The following CA10 variants were observed in gnomAD, a reference collection of about 807,000 sequenced individuals.
CA10 encodes carbonic anhydrase 10 (inactive).
CA10 carries 14 observed loss-of-function variants against 44.2 expected under a neutral mutation model. That is an observed-to-expected ratio of 0.32 (90% confidence interval 0.21 to 0.50). CA10 has a LOEUF of 0.50. Among genes scored for constraint, CA10 ranks in the 20% least tolerant of loss-of-function variants. The pLI is 0.99. For missense variants in CA10, 350 were observed against 409.7 expected, an observed-to-expected ratio of 0.85 and a Z score of 1.26; for synonymous variants, 159 against 141.6, an observed-to-expected ratio of 1.12 and a Z score of -0.87.
chr17:52,141,478 A>G (rs1989477778), intron 1 of CA10, among the ~76,000 whole-genome samples: 1 of 152,228 alleles, frequency 6.6e-6, no homozygotes, highest in South Asian at 2.1e-4. Context: ...TGTTGGAAGC[A>G]TTTGATTCAA....
chr17:51,701,922 G>A (rs150544414), intron 4 of CA10, among the ~76,000 whole-genome samples: 3 of 152,102 alleles, frequency 2.0e-5, no homozygotes, highest in Admixed American at 6.6e-5. Flanking sequence ...GTGTACCTCC[G>A]GCCACCCCAT....
intron 3 of CA10, among the ~76,000 whole-genome samples, chr17:51,844,104 G>GA (rs901683349): frequency 6.6e-6 from 1 of 152,088 alleles, no homozygotes; most frequent in African/African-American, 2.4e-5. Flanking sequence ...AGAACTGCTG[G>GA]AATCACACGC....
At chr17:51,786,218 G>GTC (rs1040228167) in intron 3 of CA10, among the ~76,000 whole-genome samples, 8 of 151,178 alleles carry the variant, frequency 5.3e-5, no homozygotes, top group Non-Finnish European at 1.0e-4. Context: ...GTGTGTCTGT[G>GTC]TGTGTGTGTG....
intron 2 of CA10, among the ~76,000 whole-genome samples, chr17:52,042,897 G>A (rs554160196): frequency 5.7e-4 from 87 of 152,000 alleles, no homozygotes; most frequent in African/African-American, 1.8e-3. Flanking sequence ...TCAAAGATGC[G>A]TTGAGTGATG....
At chr17:51,945,916 T>C (rs144565717) in intron 2 of CA10, among the ~76,000 whole-genome samples, 1 of 152,278 alleles carries the variant, frequency 6.6e-6, no homozygotes, top group African/African-American at 2.4e-5. Flanking sequence ...GGAATGATGA[T>C]AGAAATTTGT....
intron 3 of CA10, among the ~76,000 whole-genome samples, 177 bp downstream of exon 3, chr17:51,930,813 T>C (rs1434522514): frequency 1.3e-5 from 2 of 151,930 alleles, no homozygotes; most frequent in African/African-American, 4.8e-5. Flanking sequence ...TTTGACTAGT[T>C]AGGGAGAAAA....
chr17:51,668,962 G>A (rs1163346564), intron 4 of CA10, among the ~76,000 whole-genome samples: 7 of 152,224 alleles, frequency 4.6e-5, no homozygotes, highest in Non-Finnish European at 7.3e-5. Flanking sequence ...CTGCTGGCCT[G>A]CCTGCACCAA....
intron 4 of CA10, among the ~76,000 whole-genome samples, chr17:51,707,584 AAAG>A (rs1364256459): frequency 7.9e-5 from 12 of 151,984 alleles, no homozygotes; most frequent in Non-Finnish European, 8.8e-5. Flanking sequence ...CCAGGGGAGG[AAAG>A]AAGATAAATT....
At chr17:51,851,555 GTTATT>G (rs999980755) in intron 3 of CA10, among the ~76,000 whole-genome samples, 4 of 152,148 alleles carry the variant, frequency 2.6e-5, no homozygotes, top group African/African-American at 9.7e-5. Context: ...ATATTTTATT[GTTATT>G]TTAAATTTAT....
At chr17:51,889,295 G>T (rs963230207) in intron 3 of CA10, among the ~76,000 whole-genome samples, 1 of 152,058 alleles carries the variant, frequency 6.6e-6, no homozygotes, top group Admixed American at 6.6e-5. Context: ...GCTGGAGAAG[G>T]CAGATTGCTT....
At chr17:52,016,190 G>A (rs1985962524) in intron 2 of CA10, among the ~76,000 whole-genome samples, 1 of 152,202 alleles carries the variant, frequency 6.6e-6, no homozygotes, top group East Asian at 1.9e-4. Context: ...TCCATGCAAA[G>A]CATCCAGAGT....
chr17:52,045,104 G>T (rs988149520), intron 2 of CA10, among the ~76,000 whole-genome samples: 3 of 151,648 alleles, frequency 2.0e-5, no homozygotes, highest in African/African-American at 7.3e-5. Flanking sequence ...AGATACAAAG[G>T]TAAGAATGCT....
At chr17:51,915,015 G>A (rs372436988) in intron 3 of CA10, among the ~76,000 whole-genome samples, 67 of 152,168 alleles carry the variant, frequency 4.4e-4, no homozygotes, top group African/African-American at 1.5e-3. Context: ...CCAGGATCTG[G>A]GGTATTTTAG....
chr17:51,882,746 C>T lies in CA10; in HGVS notation c.279+48244G>A, dbSNP rs144618957. On this transcript the variant is annotated intron_variant, in intron 3 of 8. Coordinates refer to ENST00000451037, the MANE Select transcript of CA10 (RefSeq NM_020178.5). ...TCACGGGTCTCTGCCAGCCAGAGCACCGAGTCAAGACTGGAATTTGTCAGC... is the reference window on the plus strand; with the variant it reads ...TCACGGGTCTCTGCCAGCCAGAGCATCGAGTCAAGACTGGAATTTGTCAGC... Among the ~76,000 whole-genome samples the T allele has an allele frequency of 4.1e-4, 63 of 152,262 alleles. 1 individual carries two copies. The East Asian group carries it at 0.011, about 27-fold the overall frequency.
chr17:52,025,676 T>G (rs1267480564), intron 2 of CA10, among the ~76,000 whole-genome samples: 1 of 152,176 alleles, frequency 6.6e-6, no homozygotes, highest in Non-Finnish European at 1.5e-5. Context: ...GCCATTTCTA[T>G]TCATGAATGC....
At chr17:51,679,150 T>A (rs1317114981) in intron 4 of CA10, among the ~76,000 whole-genome samples, 1 of 152,222 alleles carries the variant, frequency 6.6e-6, no homozygotes, top group Admixed American at 6.5e-5. Context: ...CAGACTGTAC[T>A]GTGCATATGA....
intron 3 of CA10, among the ~76,000 whole-genome samples, chr17:51,915,345 T>C (rs114198297): frequency 1.8e-3 from 277 of 152,332 alleles, no homozygotes; most frequent in African/African-American, 6.4e-3. Flanking sequence ...CTGTTATTAA[T>C]TCACCTCTGA....
At chr17:52,005,046 A>G (rs75980912) in intron 2 of CA10, among the ~76,000 whole-genome samples, 2 of 152,012 alleles carry the variant, frequency 1.3e-5, no homozygotes, top group East Asian at 2.0e-4. Flanking sequence ...TTGAACTTCA[A>G]TCGTATATTA....
chr17:51,888,508 T>A (rs1422001088), intron 3 of CA10, among the ~76,000 whole-genome samples: 1 of 152,244 alleles, frequency 6.6e-6, no homozygotes, highest in Non-Finnish European at 1.5e-5. Flanking sequence ...TCCTAAATTG[T>A]CTTTTCTTCC....
Sources: allele counts gnomAD v4.1 joint callset (sites outside exome capture counted in the v4.1 genomes callset), GRCh38; gene constraint gnomAD v4.1.1; transcripts MANE v1.5; gene names NCBI Gene and HGNC (gene_info 2026-07-23, HGNC 2026-07-21).